CREBRF: variants seen among roughly 807,000 people sequenced by gnomAD.
The protein encoded by CREBRF is UPF0474 protein C5orf41.
Under a neutral mutation model 66.1 loss-of-function variants are expected in CREBRF, and 5 were observed. That is an observed-to-expected ratio of 0.08 (90% CI 0.04 to 0.16). The LOEUF is 0.16. Ranked by LOEUF, CREBRF falls within the 10% of genes least tolerant of loss-of-function variation. CREBRF has a pLI of 1.00. For missense variants in CREBRF, 531 were observed against 744.9 expected, an observed-to-expected ratio of 0.71 and a Z score of 3.34; for synonymous variants, 229 against 264.4, an observed-to-expected ratio of 0.87 and a Z score of 1.30.
rs1053861110 is a variant in CREBRF, at chr5:173,119,026, A to C, written c.1682-4054A>C. On this transcript the variant is annotated intron_variant, in intron 7 of 8. Coordinates refer to ENST00000296953, the MANE Select transcript of CREBRF (RefSeq NM_153607.3). ...CAGGCATGAGCCATTGCACCCAGTC[A>C]TGTAGATAGAAAATTGTCTTGATCA... 3.3e-5 allele frequency among the ~76,000 whole-genome samples: 5 copies of C among 152,168 alleles called. No individual in the cohort carries two copies. The South Asian group carries it at 1.0e-3, about 31-fold the overall frequency.
chr5:173,063,973 T>G (rs1757358855), intron 1 of CREBRF, among the ~76,000 whole-genome samples: 1 of 152,066 alleles, frequency 6.6e-6, no homozygotes, highest in Non-Finnish European at 1.5e-5. Flanking sequence ...CTGCCTGCCT[T>G]GGCCTCCCAA....
intron 1 of CREBRF, among the ~76,000 whole-genome samples, chr5:173,058,224 T>C (rs1757134624): frequency 6.6e-6 from 1 of 152,188 alleles, no homozygotes; most frequent in Non-Finnish European, 1.5e-5. Flanking sequence ...AATTGTATTA[T>C]GGTTATTTTG....
chr5:173,057,835 G>T (rs1439526600), intron 1 of CREBRF, among the ~76,000 whole-genome samples: 6 of 147,554 alleles, frequency 4.1e-5, no homozygotes, highest in Non-Finnish European at 6.0e-5. Context: ...TTTCTCATCA[G>T]GATGCCTTTT....
At chr5:173,086,922 G>A (rs1336938154) in intron 3 of CREBRF, among the ~76,000 whole-genome samples, 1 of 149,136 alleles carries the variant, frequency 6.7e-6, no homozygotes, top group Non-Finnish European at 1.5e-5. Context: ...GATTACAGGT[G>A]TGTGTCACCA....
intron 4 of CREBRF, among the ~76,000 whole-genome samples, chr5:173,097,625 T>C (rs1224270194): frequency 1.3e-5 from 2 of 152,190 alleles, no homozygotes; most frequent in African/African-American, 4.8e-5. Flanking sequence ...GATTCAGTCT[T>C]GGTATGTTTC....
chr5:173,106,852 C>T (rs961805079), intron 4 of CREBRF, among the ~76,000 whole-genome samples: 4 of 152,002 alleles, frequency 2.6e-5, no homozygotes, highest in African/African-American at 7.2e-5. Flanking sequence ...TGGGTTCAAG[C>T]GATTCTCCTG....
In CREBRF at chr5:173,090,248, GAC is replaced by G. The variant is rs1758287292; in HGVS notation, c.136-65_136-64del. 7.7e-7 allele frequency: 1 copy of G among 1,299,662 alleles called. No individual in the cohort carries two copies. Among genetic ancestry groups the G allele is most frequent in the Admixed American group, 2.1e-5 (1 of 46,774 alleles). The allele number at this position is 1,299,662 out of a possible 1,614,324, so 80.5% of individuals were successfully genotyped here. ...AAGTCAAGTATTGATTTATCAGTTT[GAC>G]ATATGGAGGTGAATATTTCCTTCTG... On this transcript the variant is annotated intron_variant, in intron 3 of 8. Transcript: ENST00000296953. This position sits in a 1 kb window ranked among gnomAD's most constrained non-coding sequence, Gnocchi z 4.5.
intron 7 of CREBRF, among the ~76,000 whole-genome samples, chr5:173,118,779 C>A (rs1163372288): frequency 6.6e-6 from 1 of 150,730 alleles, no homozygotes; most frequent in Non-Finnish European, 1.5e-5. Flanking sequence ...GTGGCTCATG[C>A]CTGTAATCCT....
At chr5:173,092,936 A>G (rs1483720842) in intron 4 of CREBRF, among the ~76,000 whole-genome samples, 4 of 152,194 alleles carry the variant, frequency 2.6e-5, no homozygotes, top group Admixed American at 6.5e-5. Context: ...TCTTTTTACA[A>G]TACAGGAAAA....
Position 173,091,206 on chromosome 5 carries a change from G to A in CREBRF, c.1027G>A (p.Asp343Asn). 1.9e-6 allele frequency: 3 copies of A among 1,614,114 alleles called. No individual in the cohort carries two copies. The highest frequency in any genetic ancestry group is 2.2e-5 in the South Asian group (2 of 91,062). The change falls in exon 4 of 9, where the codon GAC becomes AAC. Residue 343 changes from aspartate (D) to asparagine (N), a missense_variant. Transcript: ENST00000296953. ...GCACAATTATTCTCTTTTTGTCTCC[G>A]ACAACTTGGGTGAACAGCCAACTAA... is the stretch of plus-strand genomic sequence containing the variant. ...EEHNYSLFVSDNLGEQPTKCS... is the reference protein window; with the variant it reads ...EEHNYSLFVSNNLGEQPTKCS...
In CREBRF at chr5:173,110,532, A is replaced by G. The variant is rs757033324; in HGVS notation, c.1428A>G (p.Ala476=). The change falls in exon 6 of 9, where the codon GCA becomes GCG. Residue 476 remains alanine (A), a synonymous_variant. Transcript: ENST00000296953. ...QKNGLHHGKY[A]VKKSRRTDVE... ...TTAAACTGTTTATAGGAAAATATGC[A>G]GTAAAGAAGTCACGGAGAACTGATG... The G allele has an allele frequency of 1.4e-5, 22 of 1,611,240 alleles. No individual in the cohort carries two copies. The highest frequency in any genetic ancestry group is 1.9e-5 in the Non-Finnish European group (22 of 1,177,380).
At position 173,070,013 on chromosome 5, in the gene CREBRF, G is replaced by A. The variant is rs144387366; in HGVS notation, c.-191-10572G>A. On this transcript the variant is annotated intron_variant, in intron 1 of 8. Coordinates refer to ENST00000296953, the MANE Select transcript of CREBRF (RefSeq NM_153607.3). ...GAGTTCAAGCGATTCTCATGCCTCA[G>A]CCTCCTGAGCAGCTGGGACTACAGG... 2.0e-3 allele frequency among the ~76,000 whole-genome samples: 307 copies of A among 151,820 alleles called. 1 individual carries two copies. The highest frequency in any genetic ancestry group is 7.2e-3 in the African/African-American group (299 of 41,414).
At chr5:173,130,673 G>T (rs373463127) in intron 8 of CREBRF, among the ~76,000 whole-genome samples, 1 of 151,652 alleles carries the variant, frequency 6.6e-6, no homozygotes, top group Non-Finnish European at 1.5e-5. Flanking sequence ...ACAGATGTGC[G>T]CCACCATGTC....
chr5:173,091,204 C>T lies in CREBRF; in HGVS notation c.1025C>T (p.Ser342Phe). 1 of 1,614,122 alleles carries T rather than the reference C, an allele frequency of 6.2e-7. No individual in the cohort carries two copies. The highest frequency in any genetic ancestry group is 8.5e-7 in the Non-Finnish European group (1 of 1,180,024). ...GAGCACAATTATTCTCTTTTTGTCT[C>T]CGACAACTTGGGTGAACAGCCAACT... The part of the protein sequence containing the change: ...KEEHNYSLFV[S>F]DNLGEQPTKC... The change falls in exon 4 of 9, where the codon TCC (serine) becomes TTC (phenylalanine). Residue 342 changes from serine to phenylalanine, a missense_variant. Physicochemically the swap from Ser to Phe is radical, Grantham distance 155. Transcript: ENST00000296953.
At chr5:173,059,882 A>C (rs994440285) in intron 1 of CREBRF, among the ~76,000 whole-genome samples, 1 of 152,234 alleles carries the variant, frequency 6.6e-6, no homozygotes, top group Non-Finnish European at 1.5e-5. Context: ...TAGCTCCCGA[A>C]GAGAGTCTGG....
In CREBRF at chr5:173,082,941, A is replaced by AAC. The variant is rs1561799540; in HGVS notation, c.9+2158_9+2159insCA. Among the ~76,000 whole-genome samples the AAC allele has an allele frequency of 1.9e-4, 23 of 118,282 alleles. 1 individual carries two copies. Among genetic ancestry groups the AAC allele is most frequent in the African/African-American group, 6.6e-4 (21 of 31,908 alleles). The allele number at this position is 118,282 out of a possible 152,430, so 77.6% of individuals were successfully genotyped here. On this transcript the variant is annotated intron_variant, in intron 2 of 8. Transcript: ENST00000296953. ...AAAAAAAAAAAAAAAAAAAAAAAAA[A>AAC]AAAAACCGGGTGCAGTGGCTTGCAC...
chr5:173,131,488 A>C (rs753937001), intron 8 of CREBRF, among the ~76,000 whole-genome samples: 5 of 151,896 alleles, frequency 3.3e-5, no homozygotes, highest in African/African-American at 4.8e-5. Context: ...TCCCCATCTT[A>C]TTTTATTTTT....
intron 5 of CREBRF, 64 bp downstream of exon 5, chr5:173,108,882 AT>A: frequency 1.4e-6 from 2 of 1,459,452 alleles, no homozygotes; most frequent in South Asian, 2.4e-5. Flanking sequence ...CTAATCCATA[AT>A]GTTTACTCCG....
At chr5:173,082,559 A>C (rs964276917) in intron 2 of CREBRF, among the ~76,000 whole-genome samples, 1 of 151,754 alleles carries the variant, frequency 6.6e-6, no homozygotes, top group Non-Finnish European at 1.5e-5. Context: ...GATTAATACC[A>C]TTTAAAAACA....
Sources: gnomAD v4.1 joint callset for allele counts (sites outside exome capture counted in the v4.1 genomes callset) on GRCh38, gnomAD v4.1.1 for gene constraint, Gnocchi (gnomAD v3.1) non-coding constraint, MANE v1.5 for transcripts, NCBI Gene and HGNC (gene_info 2026-07-23, HGNC 2026-07-21) for gene names.